Variants in MALAT1 observed in about 807,000 individuals in gnomAD.
The protein encoded by MALAT1 is metastasis associated lung adenocarcinoma transcript 1.
intron 3 of MALAT1, chr11:65,504,901 A>C (rs775470615): frequency 1.9e-6 from 1 of 518,926 alleles, no homozygotes. Context: ...CTTTAAATAA[A>C]CCAAACATTC....
exon 3 of MALAT1, chr11:65,502,185 T>TG: frequency 1.9e-6 from 1 of 518,428 alleles, no homozygotes; most frequent in South Asian, 1.4e-5. Flanking sequence ...AGTATTGAAC[T>TG]GGGGGTTGGT....
intron 3 of MALAT1, chr11:65,505,737 A>C (rs745941690): frequency 1.9e-6 from 1 of 519,058 alleles, no homozygotes; most frequent in Non-Finnish European, 3.8e-6. Context: ...CAAATTGTTA[A>C]CAGAAGGGTA....
intron 1 of MALAT1, chr11:65,498,262 G>T (rs768995051): frequency 1.9e-6 from 1 of 518,750 alleles, no homozygotes; most frequent in South Asian, 1.4e-5. Context: ...TTTCCATGGC[G>T]ATTTGCCTTG....
exon 3 of MALAT1, chr11:65,502,426 GT>G (rs35843482): frequency 1.3e-4 from 66 of 494,350 alleles, no homozygotes; most frequent in Middle Eastern, 3.3e-4. Flanking sequence ...GTGTAAGCAA[GT>G]TTTTTTTTAG....
At chr11:65,501,368 C>A in exon 3 of MALAT1, 1 of 518,624 alleles carries the variant, frequency 1.9e-6, no homozygotes, top group Non-Finnish European at 3.9e-6. Context: ...CACAGGTTTA[C>A]AGTTTATAGA....
intron 3 of MALAT1, chr11:65,503,941 C>G (rs780152255): frequency 1.9e-6 from 1 of 515,552 alleles, no homozygotes; most frequent in Non-Finnish European, 3.9e-6. Flanking sequence ...GGTAATTACA[C>G]ATTTTATTTC....
exon 3 of MALAT1, chr11:65,499,072 T>A (rs534615613): frequency 1.1e-4 from 56 of 518,218 alleles, no homozygotes; most frequent in Middle Eastern, 3.2e-4. Context: ...GCGCAGGGGC[T>A]TCTGCTGAGG....
At chr11:65,505,273 C>T (rs1274495392) in intron 3 of MALAT1, 2 of 518,610 alleles carry the variant, frequency 3.9e-6, no homozygotes, top group African/African-American at 1.9e-5. Context: ...GCGCTATTAT[C>T]CTAAGGTCAA....
exon 3 of MALAT1, chr11:65,503,127 CTT>C (rs1854592578): frequency 2.0e-6 from 1 of 508,138 alleles, no homozygotes; most frequent in Non-Finnish European, 3.9e-6. Flanking sequence ...ACAGGTATCT[CTT>C]CGTTATCAGA....
chr11:65,498,377 A>G (rs771617777), intron 1 of MALAT1: 4 of 518,282 alleles, frequency 7.7e-6, no homozygotes, highest in African/African-American at 5.8e-5. Context: ...AGAGTGGGCC[A>G]CTGGCAGCCA....
exon 3 of MALAT1, chr11:65,501,298 G>A (rs1202112389): frequency 1.9e-6 from 1 of 518,494 alleles, no homozygotes; most frequent in Non-Finnish European, 3.8e-6. Flanking sequence ...AATCCTAAAG[G>A]CAAATGACTC....
chr11:65,502,650 A>G (rs542818029), exon 3 of MALAT1: 14 of 480,612 alleles, frequency 2.9e-5, no homozygotes, highest in Admixed American at 1.3e-4. Flanking sequence ...TTTTTCAGAT[A>G]ACATCTTCTG....
intron 3 of MALAT1, chr11:65,504,575 A>G (rs1463665979): frequency 9.6e-6 from 5 of 518,694 alleles, no homozygotes; most frequent in African/African-American, 3.9e-5. Flanking sequence ...AGCTGAGTAC[A>G]TTTTGCTGGT....
exon 3 of MALAT1, chr11:65,500,895 A>G (rs760856149): frequency 1.3e-4 from 67 of 515,652 alleles, no homozygotes; most frequent in Non-Finnish European, 2.2e-4. Context: ...ACGTAGGCCG[A>G]TTTCCGGGTG....
Position 65,504,649 on chromosome 11 carries a change from C to T in MALAT1, n.5168+744C>T, listed in dbSNP as rs755236121. The T allele has an allele frequency of 7.7e-6, 4 of 518,868 alleles. No homozygotes were observed. The Admixed American group carries it at 7.8e-5, about 10-fold the overall frequency. The allele number at this position is 518,868 out of a possible 1,614,324, so 32.1% of individuals were successfully genotyped here. A position where few individuals can be genotyped will look rare whatever the true frequency, so the allele number is the denominator to read the frequency against. Reference sequence around the variant, plus strand: ...GTGGGAGGGGACTGAAGCCTTTAGTCTTTTCCAGATGCAACCTTAAAATCA... The same window carrying T: ...GTGGGAGGGGACTGAAGCCTTTAGTTTTTTCCAGATGCAACCTTAAAATCA... On this transcript the variant is annotated intron_variant and non_coding_transcript_variant, in intron 3 of 3. Coordinates refer to ENST00000619449, the Ensembl canonical transcript of MALAT1.
exon 4 of MALAT1, chr11:65,506,299 C>T (rs1462320365): frequency 4.3e-6 from 2 of 464,220 alleles, no homozygotes; most frequent in Non-Finnish European, 8.3e-6. Context: ...CTATATACAT[C>T]CTTGATGTAT....
exon 3 of MALAT1, chr11:65,502,422 G>A: frequency 2.0e-6 from 1 of 503,410 alleles, no homozygotes; most frequent in Non-Finnish European, 3.9e-6. Context: ...TTGTGTGTAA[G>A]CAAGTTTTTT....
chr11:65,497,779 C>A (rs1255134605), exon 1 of MALAT1: 1 of 470,784 alleles, frequency 2.1e-6, no homozygotes, highest in Non-Finnish European at 4.2e-6. Context: ...ACTGGGGCCC[C>A]GCAACTGGCC....
At chr11:65,499,880 T>A (rs192040195) in exon 3 of MALAT1, 1 of 429,276 alleles carries the variant, frequency 2.3e-6, no homozygotes, top group Non-Finnish European at 4.5e-6. Flanking sequence ...AATGAAAATA[T>A]TGTCAAGAGT....
Sources: gnomAD v4.1 joint callset for allele counts on GRCh38, gnomAD v4.1.1 for gene constraint, MANE v1.5 for transcripts, NCBI Gene and HGNC (gene_info 2026-07-23, HGNC 2026-07-21) for gene names.